PRR11: variants seen among roughly 807,000 people sequenced by gnomAD.
PRR11 encodes the protein proline rich 11.
PRR11 carries 30 observed loss-of-function variants against 45.6 expected under a neutral mutation model. That is an observed-to-expected ratio of 0.66 (90% CI 0.49 to 0.89). The LOEUF (loss-of-function observed/expected upper bound fraction) is 0.89. Among genes scored for constraint, PRR11 ranks in the 40% least tolerant of loss-of-function variants. PRR11 has a pLI of 0.00. For synonymous variants in PRR11, 128 were observed against 153.5 expected (o/e 0.83, Z 1.23); for missense variants, 373 against 424.8 (o/e 0.88, Z 1.07).
intron 1 of PRR11, among the ~76,000 whole-genome samples, chr17:59,162,726 CTTT>C (rs34124387): frequency 3.4e-5 from 4 of 117,332 alleles, no homozygotes; most frequent in Non-Finnish European, 3.4e-5. Context: ...CTTTCTCTCC[CTTT>C]TTTTTTTTTT....
intron 4 of PRR11, 72 bp downstream of exon 4, chr17:59,185,634 A>G (rs1466791255): frequency 7.7e-7 from 1 of 1,297,074 alleles, no homozygotes; most frequent in African/African-American, 1.5e-5. Flanking sequence ...GACTATTGCA[A>G]TAGGGAAAAT....
At position 59,201,786 on chromosome 17, in the gene PRR11, C is replaced by T; in HGVS notation, c.*155C>T. 1.5e-6 allele frequency: 1 copy of T among 677,408 alleles called. No individual in the cohort carries two copies. Among genetic ancestry groups the T allele is most frequent in the South Asian group, 1.6e-5 (1 of 61,042 alleles). The allele number at this position is 677,408 out of a possible 1,614,324, so 42.0% of individuals were successfully genotyped here. A position where few individuals can be genotyped will look rare whatever the true frequency, so the allele number is the denominator to read the frequency against. Reference sequence around the variant, plus strand: ...AGGAGTTTGAGACCAGCCTGGCCAACATGGTGAAACTCCTTCCCCACTAAA... The same window carrying T: ...AGGAGTTTGAGACCAGCCTGGCCAATATGGTGAAACTCCTTCCCCACTAAA... On this transcript the variant is annotated 3_prime_UTR_variant, in exon 10 of 10. Transcript: ENST00000262293.
intron 2 of PRR11, among the ~76,000 whole-genome samples, chr17:59,176,684 C>CTTTTTTTTTTTTTTTTTTTTT (rs71367676): frequency 2.6e-5 from 1 of 39,002 alleles, no homozygotes; most frequent in Non-Finnish European, 4.5e-5. Flanking sequence ...GTTTTTTTGG[C>CTTTTTTTTTTTTTTTTTTTTT]TTTTTTTTTT....
chr17:59,178,313 A>T (rs1460493623), intron 2 of PRR11, among the ~76,000 whole-genome samples: 3 of 152,110 alleles, frequency 2.0e-5, no homozygotes, highest in African/African-American at 7.2e-5. Flanking sequence ...CAGCCTGGGC[A>T]ACAGAGCGAG....
intron 2 of PRR11, chr17:59,181,834 C>G: frequency 6.8e-7 from 1 of 1,479,562 alleles, no homozygotes; most frequent in Non-Finnish European, 9.2e-7. Flanking sequence ...AAACCACTCT[C>G]CATCCTCCCC....
chr17:59,177,542 G>A (rs932582520), intron 2 of PRR11, among the ~76,000 whole-genome samples: 3 of 152,140 alleles, frequency 2.0e-5, no homozygotes, highest in African/African-American at 7.2e-5. Flanking sequence ...AGGGTCTTTT[G>A]TGTGCCAGGC....
At chr17:59,169,217 GC>G (rs2046694887) in intron 1 of PRR11, among the ~76,000 whole-genome samples, 1 of 147,886 alleles carries the variant, frequency 6.8e-6, no homozygotes, top group Non-Finnish European at 1.5e-5. Context: ...TCCTACCTCA[GC>G]CTCCCCAATA....
intron 2 of PRR11, chr17:59,178,467 A>C (rs35058228): frequency 0.39 from 203,797 of 516,574 alleles, 44,149 homozygotes; most frequent in African/African-American, 0.7. Context: ...TGGAGAACAA[A>C]CTTACCTTGT....
chr17:59,167,383 A>T (rs1452232378), intron 1 of PRR11, among the ~76,000 whole-genome samples: 1 of 152,180 alleles, frequency 6.6e-6, no homozygotes, highest in African/African-American at 2.4e-5. Flanking sequence ...CTACAGTGCC[A>T]TAGAACACTA....
chr17:59,164,646 G>A (rs2046670180), intron 1 of PRR11, among the ~76,000 whole-genome samples: 1 of 152,090 alleles, frequency 6.6e-6, no homozygotes, highest in Non-Finnish European at 1.5e-5. Flanking sequence ...GTCTATAGAA[G>A]GTCCTGGCCG....
chr17:59,195,017 A>G (rs1391640657), intron 6 of PRR11, among the ~76,000 whole-genome samples, 162 bp downstream of exon 6: 3 of 152,160 alleles, frequency 2.0e-5, no homozygotes, highest in Non-Finnish European at 4.4e-5. Context: ...CAATTTGTAT[A>G]CAATTGGGGT....
At chr17:59,184,931 A>T in intron 2 of PRR11, 123 bp from the exon 3 acceptor site, 3 of 668,318 alleles carry the variant, frequency 4.5e-6, no homozygotes, top group Non-Finnish European at 6.9e-6. Context: ...TCCTGGTCTC[A>T]AGCAATCTCC....
chr17:59,201,966 A>G lies in PRR11; in HGVS notation c.*335A>G. 1 of 235,018 alleles carries G rather than the reference A, an allele frequency of 4.3e-6. No individual in the cohort carries two copies. The allele number at this position is 235,018 out of a possible 1,614,324, so 14.6% of individuals were successfully genotyped here. A position where few individuals can be genotyped will look rare whatever the true frequency, so the allele number is the denominator to read the frequency against. ...AGCCTGAGCAACAAGAGCAAAACAA[A>G]AACAAACAAACAAACAAAAAAAACC... On this transcript the variant is annotated 3_prime_UTR_variant, in exon 10 of 10. Coordinates refer to ENST00000262293, the MANE Select transcript of PRR11 (RefSeq NM_018304.4).
At chr17:59,169,965 A>C in intron 2 of PRR11, 85 bp downstream of exon 2, 1 of 1,463,844 alleles carries the variant, frequency 6.8e-7, no homozygotes, top group Non-Finnish European at 9.1e-7. Context: ...ATAAAAATAG[A>C]AGGCAGGCCG....
At chr17:59,162,249 C>CACAG (rs993569080) in intron 1 of PRR11, among the ~76,000 whole-genome samples, 64 of 135,092 alleles carry the variant, frequency 4.7e-4, no homozygotes, top group African/African-American at 1.8e-3. Flanking sequence ...CACACACACA[C>CACAG]AGAGAGAGAG....
rs2046907477 is a variant in PRR11 at position 59,204,334 on chromosome 17, T to G, written c.*2703T>G. On this transcript the variant is annotated 3_prime_UTR_variant, in exon 10 of 10. Coordinates refer to ENST00000262293, the MANE Select transcript of PRR11 (RefSeq NM_018304.4). Reference sequence around the variant, plus strand: ...TGGTTTGGGCCCCGGAGGTAGAGGTTGCAGTGAGCTGAGATTGTGCCACTG... The same window carrying G: ...TGGTTTGGGCCCCGGAGGTAGAGGTGGCAGTGAGCTGAGATTGTGCCACTG... 7.6e-5 allele frequency: 11 copies of G among 145,228 alleles called. No individual in the cohort carries two copies. The Admixed American group carries it at 8.0e-4, about 11-fold the overall frequency. The allele number at this position is 145,228 out of a possible 1,614,324, so 9.0% of individuals were successfully genotyped here. A position where few individuals can be genotyped will look rare whatever the true frequency, so the allele number is the denominator to read the frequency against.
intron 1 of PRR11, among the ~76,000 whole-genome samples, chr17:59,168,017 G>A (rs2147836087): frequency 6.6e-6 from 1 of 152,130 alleles, no homozygotes; most frequent in East Asian, 1.9e-4. Flanking sequence ...TTGAGTTGCT[G>A]TGGTTCAAAT....
intron 2 of PRR11, chr17:59,179,823 C>G (rs1480628393): frequency 7.4e-7 from 1 of 1,350,552 alleles, no homozygotes; most frequent in Non-Finnish European, 1.0e-6. Context: ...TCCGACCACT[C>G]CCTCTTCCTT....
chr17:59,190,592 AAC>A (rs756562390), intron 4 of PRR11, among the ~76,000 whole-genome samples: 4 of 152,256 alleles, frequency 2.6e-5, no homozygotes, highest in Non-Finnish European at 5.9e-5. Context: ...AAGTGGCAGA[AAC>A]ACAGGGCAAT....
Sources: gnomAD v4.1 joint callset for allele counts (sites outside exome capture counted in the v4.1 genomes callset) on GRCh38, gnomAD v4.1.1 for gene constraint, MANE v1.5 for transcripts, NCBI Gene and HGNC (gene_info 2026-07-23, HGNC 2026-07-21) for gene names.